RBCK1: variants seen among roughly 807,000 people sequenced by gnomAD.
RBCK1 encodes the protein ranBP-type and C3HC4-type zinc finger-containing protein 1.
A neutral mutation model predicts 71.1 loss-of-function variants in RBCK1; 44 were observed. The observed-to-expected ratio is 0.62, with a 90% CI of 0.49 to 0.80. RBCK1 has a LOEUF of 0.80. Ranked by LOEUF, RBCK1 falls within the 30% of genes least tolerant of loss-of-function variation. The pLI is 0.00. For missense variants in RBCK1, 569 were observed against 685.0 expected (o/e 0.83, Z 1.89); for synonymous variants, 306 against 279.7 (o/e 1.09, Z -0.94).
intron 2 of RBCK1, chr20:410,465 G>A: frequency 1.3e-6 from 1 of 779,706 alleles, no homozygotes; most frequent in African/African-American, 1.7e-5. Flanking sequence ...TCACATCACA[G>A]GAGGAAGGGA....
At chr20:410,751 A>G in intron 2 of RBCK1, 1 of 503,600 alleles carries the variant, frequency 2.0e-6, no homozygotes. Context: ...AATAAACATT[A>G]GTGTCTATCG....
At chr20:425,673 C>G (rs1410789699) in intron 8 of RBCK1, among the ~76,000 whole-genome samples, 1 of 141,628 alleles carries the variant, frequency 7.1e-6, no homozygotes, top group Non-Finnish European at 1.5e-5. Flanking sequence ...GTTGCCTAAG[C>G]TGGAGTACAT....
rs2016486711 is a variant in RBCK1 at position 422,326 on chromosome 20, TC to T, written c.1029+89del. 3 of 1,134,712 alleles carry T rather than the reference TC, an allele frequency of 2.6e-6. No homozygotes were observed. Among genetic ancestry groups the T allele is most frequent in the Non-Finnish European group, 3.9e-6 (3 of 777,970 alleles). The allele number at this position is 1,134,712 out of a possible 1,614,324, so 70.3% of individuals were successfully genotyped here. A position where few individuals can be genotyped will look rare whatever the true frequency, so the allele number is the denominator to read the frequency against. On this transcript the variant is annotated intron_variant, in intron 8 of 11. Coordinates refer to ENST00000356286, the MANE Select transcript of RBCK1 (RefSeq NM_031229.4). This position sits in a 1 kb window ranked among gnomAD's most constrained non-coding sequence, Gnocchi z 5.0. ...AGGCAGCAGACATCTTTCTTTTCTT[TC>T]TTTTTTTTTTTTGGAGATGGGGTCT...
At chr20:413,831 T>C (rs2015839515) in intron 2 of RBCK1, among the ~76,000 whole-genome samples, 1 of 150,862 alleles carries the variant, frequency 6.6e-6, no homozygotes, top group South Asian at 2.1e-4. Flanking sequence ...ACTTAGCTAT[T>C]ACATTAATTA....
chr20:427,043 C>T (rs1397534625), intron 8 of RBCK1, among the ~76,000 whole-genome samples: 2 of 151,880 alleles, frequency 1.3e-5, no homozygotes, highest in Non-Finnish European at 2.9e-5. Flanking sequence ...CTGTATTTCT[C>T]AGGCTGGTCT....
At position 409,882 on chromosome 20, in the gene RBCK1, A is replaced by G. The variant is rs2015597431; in HGVS notation, c.24A>G (p.Ala8=). Residue 8 remains alanine (A), a splice_region_variant and synonymous_variant, in exon 2 of 12, where the codon GCA becomes GCG. Coordinates refer to ENST00000356286, the MANE Select transcript of RBCK1 (RefSeq NM_031229.4). The part of the protein sequence containing the change: MDEKTKK[A]EEMALSLTRA... The stretch of plus-strand genomic sequence containing the variant: ...GGCTCCTGCTGTACTGGCTTTCAGC[A>G]GAGGAAATGGCCCTGAGCCTCACCC... The G allele has an allele frequency of 1.9e-6, 3 of 1,613,484 alleles. No individual in the cohort carries two copies. The highest frequency in any genetic ancestry group is 2.5e-6 in the Non-Finnish European group (3 of 1,179,732).
chr20:410,014 G>T lies in RBCK1; in HGVS notation c.156G>T (p.Thr52=). 1 of 1,613,940 alleles carries T rather than the reference G, an allele frequency of 6.2e-7. No individual in the cohort carries two copies. The highest frequency in any genetic ancestry group is 8.5e-7 in the Non-Finnish European group (1 of 1,179,882). ...SVQLKPEVSP[T]QDIRLWVSVE... ...AACTGAAGCCTGAGGTCTCCCCAAC[G>T]CAGGACATCAGGTGAGGAGTGCATG... The change falls in exon 2 of 12, where the codon ACG becomes ACT. Residue 52 remains threonine (T), a synonymous_variant. Coordinates refer to ENST00000356286, the MANE Select transcript of RBCK1 (RefSeq NM_031229.4).
chr20:427,847 T>A (rs1384568080), intron 9 of RBCK1, among the ~76,000 whole-genome samples: 1 of 152,128 alleles, frequency 6.6e-6, no homozygotes, highest in Non-Finnish European at 1.5e-5. Flanking sequence ...GACCCTGCAC[T>A]TGTCACTTAA....
chr20:424,832 CAG>C (rs566719769), intron 8 of RBCK1, among the ~76,000 whole-genome samples: 87 of 152,236 alleles, frequency 5.7e-4, no homozygotes, highest in African/African-American at 2.0e-3. Flanking sequence ...TCAAGTGTGA[CAG>C]AGAGAAGGAG....
rs60153029 is a variant in RBCK1, at chr20:409,740, G to A, written c.23-141G>A. 1,446 of 1,278,640 alleles carry A rather than the reference G, an allele frequency of 1.1e-3. 19 individuals are homozygous for A. In the African/African-American group the frequency reaches 0.019, roughly 17 times the overall value. The allele number at this position is 1,278,640 out of a possible 1,614,324, so 79.2% of individuals were successfully genotyped here. On this transcript the variant is annotated intron_variant, in intron 1 of 11. Coordinates refer to ENST00000356286, the MANE Select transcript of RBCK1 (RefSeq NM_031229.4). ...CCCGGAGAAAGGGACTTTTAGTCTGGGTGCTGAAGGATACGTAGGAGTTCA... is the reference window on the plus strand; with the variant it reads ...CCCGGAGAAAGGGACTTTTAGTCTGAGTGCTGAAGGATACGTAGGAGTTCA...
rs1249750184 is a variant in RBCK1 at position 430,505 on chromosome 20, G to A, written c.*75G>A. ...GTTAGAATGTAGCTCAGGGAGCTTCGTGGACGGCCTTGCTTGCTGTAGCGT... is the reference window on the plus strand; with the variant it reads ...GTTAGAATGTAGCTCAGGGAGCTTCATGGACGGCCTTGCTTGCTGTAGCGT... On this transcript the variant is annotated 3_prime_UTR_variant, in exon 12 of 12. Coordinates refer to ENST00000356286, the MANE Select transcript of RBCK1 (RefSeq NM_031229.4). This position sits in a 1 kb window ranked among gnomAD's most constrained non-coding sequence, Gnocchi z 5.6. 27 of 1,458,742 alleles carry A rather than the reference G, an allele frequency of 1.9e-5. No individual in the cohort carries two copies. The highest frequency in any genetic ancestry group is 2.3e-5 in the East Asian group (1 of 44,012). The allele number at this position is 1,458,742 out of a possible 1,614,324, so 90.4% of individuals were successfully genotyped here. A position where few individuals can be genotyped will look rare whatever the true frequency, so the allele number is the denominator to read the frequency against.
chr20:430,480 G>A lies in RBCK1; in HGVS notation c.*50G>A. 1 of 1,530,094 alleles carries A rather than the reference G, an allele frequency of 6.5e-7. No homozygotes were observed. The highest frequency in any genetic ancestry group is 9.1e-7 in the Non-Finnish European group (1 of 1,104,136). The allele number at this position is 1,530,094 out of a possible 1,614,324, so 94.8% of individuals were successfully genotyped here. A position where few individuals can be genotyped will look rare whatever the true frequency, so the allele number is the denominator to read the frequency against. The stretch of plus-strand genomic sequence containing the variant: ...TGACCCAGCCCCACATCCACATTCT[G>A]TTAGAATGTAGCTCAGGGAGCTTCG... On this transcript the variant is annotated 3_prime_UTR_variant, in exon 12 of 12. Transcript: ENST00000356286. This position sits in a 1 kb window ranked among gnomAD's most constrained non-coding sequence, Gnocchi z 5.6.
At chr20:420,395 G>GT in intron 6 of RBCK1, 1 of 983,994 alleles carries the variant, frequency 1.0e-6, no homozygotes, top group South Asian at 4.7e-5. Flanking sequence ...ACCCGGTGCT[G>GT]CCCCTGGCCA....
chr20:410,390 C>T, intron 2 of RBCK1: 1 of 778,838 alleles, frequency 1.3e-6, no homozygotes, highest in Non-Finnish European at 2.4e-6. Flanking sequence ...GTTTCTCTCA[C>T]CATTCTGCCA....
At chr20:414,091 C>A (rs76757362) in intron 2 of RBCK1, among the ~76,000 whole-genome samples, 45 of 139,672 alleles carry the variant, frequency 3.2e-4, no homozygotes, top group South Asian at 4.5e-4. Flanking sequence ...GTGGTTCATA[C>A]AAAAAAAAAA....
rs770331676 is a variant in RBCK1, at chr20:419,451, G to C, written c.565G>C (p.Val189Leu). 1.5e-5 allele frequency: 24 copies of C among 1,607,850 alleles called. No individual in the cohort carries two copies. In the South Asian group the frequency reaches 2.7e-4, roughly 18 times the overall value. The change falls in exon 5 of 12, where the codon GTG becomes CTG. Residue 189 changes from valine (V) to leucine (L), a missense_variant. Around this residue, in one of 2 missense-constraint regions of RBCK1, gnomAD observed 358 missense variants for 375.6 expected, o/e 0.95. Transcript: ENST00000356286. Reference sequence around the variant, plus strand: ...ACCCGGACGGGGGCAGCCAGATGCAGTGCCTGAGCCCCCACCGGTAAGCTG... The same window carrying C: ...ACCCGGACGGGGGCAGCCAGATGCACTGCCTGAGCCCCCACCGGTAAGCTG... ...QEPGRGQPDA[V>L]PEPPPVGWQC... is the part of the protein sequence containing the mutation.
chr20:411,275 C>G (rs1220858094), intron 2 of RBCK1, among the ~76,000 whole-genome samples: 2 of 152,046 alleles, frequency 1.3e-5, no homozygotes, highest in Non-Finnish European at 2.9e-5. Context: ...GCCATCATCG[C>G]TCACTACAGC....
At chr20:410,139 C>A in intron 2 of RBCK1, 114 bp downstream of exon 2, 1 of 1,178,924 alleles carries the variant, frequency 8.5e-7, no homozygotes, top group Non-Finnish European at 1.2e-6. Context: ...GGCTTCTAAC[C>A]CTAGTTATGT....
In RBCK1 at chr20:411,167, C is replaced by T. The variant is rs574835647; in HGVS notation, c.167+1142C>T. On this transcript the variant is annotated intron_variant, in intron 2 of 11. Transcript: ENST00000356286. ...GTATCTGGCTTCTTTCACTTAGGATCGTTTTCGAGATTCATCCATGTTGTA... is the reference window on the plus strand; with the variant it reads ...GTATCTGGCTTCTTTCACTTAGGATTGTTTTCGAGATTCATCCATGTTGTA... Among the ~76,000 whole-genome samples the T allele has an allele frequency of 1.9e-4, 29 of 152,026 alleles. No individual in the cohort carries two copies. The South Asian group carries it at 5.2e-3, about 27-fold the overall frequency.
Sources: allele counts gnomAD v4.1 joint callset (sites outside exome capture counted in the v4.1 genomes callset), GRCh38; gene constraint gnomAD v4.1.1; regional missense constraint gnomAD v4.1.1; non-coding constraint Gnocchi (gnomAD v3.1); transcripts MANE v1.5; gene names NCBI Gene and HGNC (gene_info 2026-07-23, HGNC 2026-07-21).